GRIP1: variants seen among roughly 807,000 people sequenced by gnomAD.
GRIP1 encodes the protein glutamate receptor-interacting protein 1.
In GRIP1, 45 loss-of-function variants were observed where a neutral mutation model predicts 129.9. That is an observed-to-expected ratio of 0.35 (90% confidence interval 0.27 to 0.44). The LOEUF (loss-of-function observed/expected upper bound fraction) is 0.44, where lower values mean the gene tolerates loss of function less well. Among genes scored for constraint, GRIP1 ranks in the 20% least tolerant of loss-of-function variants. The pLI is 1.00. For missense variants in GRIP1, 1,196 were observed against 1,396.8 expected (o/e 0.86, Z 2.29); for synonymous variants, 530 against 520.8 (o/e 1.02, Z -0.24).
rs78718425 is a variant in GRIP1 at position 66,453,864 on chromosome 12, G to A, written c.1354+1545C>T. Among the ~76,000 whole-genome samples the A allele has an allele frequency of 9.5e-3, 1,453 of 152,264 alleles. 27 individuals are homozygous for A. Among genetic ancestry groups the A allele is most frequent in the African/African-American group, 0.032 (1,340 of 41,536 alleles). ...CAGGTAGCCTGGTTCCAGAGTCTAG[G>A]CTTATAACCAGTTCACTGTATTGCA... On this transcript the variant is annotated intron_variant, in intron 11 of 24. Coordinates refer to ENST00000359742, the MANE Select transcript of GRIP1 (RefSeq NM_001366722.1).
intron 14 of GRIP1, among the ~76,000 whole-genome samples, chr12:66,426,003 G>A (rs959607012): frequency 2.6e-5 from 4 of 151,894 alleles, no homozygotes; most frequent in African/African-American, 9.7e-5. Flanking sequence ...AAAGCCTGAT[G>A]CTATTCTGAT....
At chr12:66,937,445 C>T (rs1327287361) in intron 1 of GRIP1, among the ~76,000 whole-genome samples, 2 of 152,146 alleles carry the variant, frequency 1.3e-5, no homozygotes, top group Non-Finnish European at 2.9e-5. Flanking sequence ...AAATAAATAG[C>T]TGATGTTTAA....
chr12:66,526,331 A>G, intron 5 of GRIP1, among the ~76,000 whole-genome samples: 1 of 152,198 alleles, frequency 6.6e-6, no homozygotes, highest in Non-Finnish European at 1.5e-5. Flanking sequence ...AAAAACACAG[A>G]TATAGATCAA....
At chr12:67,037,437 G>C (rs2043115334) in intron 1 of GRIP1, 1 of 151,344 alleles carries the variant, frequency 6.6e-6, no homozygotes. Context: ...AGTGCCTGCA[G>C]GGCATTGTTT....
chr12:66,816,736 T>A (rs1344047545), intron 1 of GRIP1, among the ~76,000 whole-genome samples: 1 of 152,108 alleles, frequency 6.6e-6, no homozygotes, highest in Non-Finnish European at 1.5e-5. Flanking sequence ...CCTATATCAA[T>A]GAAAATTTTC....
intron 1 of GRIP1, among the ~76,000 whole-genome samples, chr12:67,026,420 C>T (rs893848758): frequency 1.3e-5 from 2 of 152,160 alleles, no homozygotes; most frequent in Non-Finnish European, 2.9e-5. Flanking sequence ...TCTATTCACT[C>T]CCCTACAAAG....
At chr12:66,739,193 C>T (rs1320662983) in intron 1 of GRIP1, among the ~76,000 whole-genome samples, 1 of 152,126 alleles carries the variant, frequency 6.6e-6, no homozygotes, top group African/African-American at 2.4e-5. Context: ...TTATGATTAA[C>T]ACCTACTGAG....
At chr12:66,736,120 G>A (rs988262453) in intron 1 of GRIP1, among the ~76,000 whole-genome samples, 5 of 152,110 alleles carry the variant, frequency 3.3e-5, no homozygotes. Context: ...ACTTCACTAA[G>A]AGCTTACTGT....
At chr12:66,789,235 G>A (rs1010523423) in intron 1 of GRIP1, among the ~76,000 whole-genome samples, 7 of 152,084 alleles carry the variant, frequency 4.6e-5, no homozygotes, top group Non-Finnish European at 8.8e-5. Context: ...AATGTTCTAG[G>A]CACAGGAGAA....
chr12:66,698,562 G>A (rs1410479865), intron 1 of GRIP1, among the ~76,000 whole-genome samples: 1 of 152,162 alleles, frequency 6.6e-6, no homozygotes, highest in Non-Finnish European at 1.5e-5. Flanking sequence ...CAACCCGCAA[G>A]TCTCCTAGGC....
rs1001246462 is a variant in GRIP1, at chr12:67,050,359, A to C, written c.58+18691T>G. On this transcript the variant is annotated intron_variant, in intron 1 of 1. Transcript: ENST00000643019. ...AAATGAAGAAAAACAAAATAATTAG[A>C]TTGATATAGGACCAGCTTTATAAAA... is the stretch of plus-strand genomic sequence containing the variant. Among the ~76,000 whole-genome samples the C allele has an allele frequency of 4.2e-3, 635 of 152,314 alleles. 1 individual carries two copies. Among genetic ancestry groups the C allele is most frequent in the African/African-American group, 0.014 (596 of 41,576 alleles).
intron 17 of GRIP1, among the ~76,000 whole-genome samples, chr12:66,393,169 ATTTTTTTTTTTTTTT>A (rs60982107): frequency 1.4e-4 from 11 of 78,882 alleles, no homozygotes; most frequent in African/African-American, 5.4e-4. Context: ...CTTTCTACAG[ATTTTTTTTTTTTTTT>A]TTTTTTTTTT....
At chr12:66,928,069 T>C (rs969120833) in intron 1 of GRIP1, among the ~76,000 whole-genome samples, 2 of 152,204 alleles carry the variant, frequency 1.3e-5, no homozygotes, top group African/African-American at 2.4e-5. Flanking sequence ...CCCAGAGAAA[T>C]GGAGCAAGGC....
intron 1 of GRIP1, among the ~76,000 whole-genome samples, chr12:66,939,316 T>C (rs2041545189): frequency 6.6e-6 from 1 of 151,810 alleles, no homozygotes. Context: ...CACAGCACAC[T>C]AACCTGGGCG....
chr12:67,020,430 C>G (rs1325820598), intron 1 of GRIP1, among the ~76,000 whole-genome samples: 1 of 152,182 alleles, frequency 6.6e-6, no homozygotes, highest in East Asian at 1.9e-4. Context: ...CATTCAGAGA[C>G]AAGGTCTTGC....
At chr12:66,699,545 T>C (rs1393895829) in intron 1 of GRIP1, among the ~76,000 whole-genome samples, 1 of 152,170 alleles carries the variant, frequency 6.6e-6, no homozygotes. Context: ...ATGTAAGACA[T>C]GACTTTGCTC....
Position 66,374,023 on chromosome 12 carries a change from A to G in GRIP1, c.2779-2096T>C, listed in dbSNP as rs191058595. ...ATATAAAACTTCCTTTTTAGTAGGT[A>G]GAAAGATGCCTAGCATTTAAAAACA... is the stretch of plus-strand genomic sequence containing the variant. On this transcript the variant is annotated intron_variant, in intron 22 of 24. Transcript: ENST00000359742. Among the ~76,000 whole-genome samples the G allele has an allele frequency of 9.2e-5, 14 of 152,336 alleles. 1 individual carries two copies. Among genetic ancestry groups the G allele is most frequent in the Admixed American group, 7.2e-4 (11 of 15,292 alleles).
At chr12:67,047,917 T>G (rs1180382553) in intron 1 of GRIP1, among the ~76,000 whole-genome samples, 1 of 152,210 alleles carries the variant, frequency 6.6e-6, no homozygotes, top group Non-Finnish European at 1.5e-5. Flanking sequence ...ACAGCCTCTT[T>G]TTTATAAAGC....
At chr12:66,364,275 AAAAAAAAAAAAAAAAG>A (rs1201177947) in intron 23 of GRIP1, among the ~76,000 whole-genome samples, 3 of 146,880 alleles carry the variant, frequency 2.0e-5, no homozygotes, top group Non-Finnish European at 4.5e-5. Context: ...CAAAAAAAAA[AAAAAAAAAAAAAAAAG>A]AAAGAAAGAA....
Sources: gnomAD v4.1 joint callset for allele counts (sites outside exome capture counted in the v4.1 genomes callset) on GRCh38, gnomAD v4.1.1 for gene constraint, MANE v1.5 for transcripts, NCBI Gene and HGNC (gene_info 2026-07-23, HGNC 2026-07-21) for gene names.